The following CHD5 variants were observed in gnomAD, a reference collection of about 807,000 sequenced individuals.
CHD5 encodes the protein ATP-dependent chromatin remodeler CHD5.
In CHD5, 69 loss-of-function variants were observed where a neutral mutation model predicts 230.3. The ratio of observed to expected loss-of-function variants is 0.30; its 90% confidence interval spans 0.25 to 0.37. The LOEUF (loss-of-function observed/expected upper bound fraction) is 0.37. Among genes scored for constraint, CHD5 ranks in the 10% least tolerant of loss-of-function variants. The pLI, the probability that CHD5 is intolerant of heterozygous loss-of-function variation, is 1.00. For synonymous variants in CHD5, 1,064 were observed against 1,065.9 expected, an observed-to-expected ratio of 1.00 and a Z score of 0.03; for missense variants, 1,827 against 2,622.8, an observed-to-expected ratio of 0.70 and a Z score of 6.63.
rs572172542 is a variant in CHD5 at position 6,106,736 on chromosome 1, G to A, written c.5622C>T (p.Asp1874=). Residue 1874 remains aspartate (D), a synonymous_variant, in exon 39 of 42, where the codon GAC becomes GAT. Coordinates refer to ENST00000262450, the MANE Select transcript of CHD5 (RefSeq NM_015557.3). ...ACAGCATGGATGGCAGCCGGGTCAC[G>A]TCGGCCTTCATGTCGCTCAGCAGCT... ...LEELLSDMKA[D]VTRLPSMLSR... 1.5e-5 allele frequency: 24 copies of A among 1,611,892 alleles called. No individual in the cohort carries two copies. The highest frequency in any genetic ancestry group is 5.0e-5 in the Admixed American group (3 of 59,964).
Position 6,129,681 on chromosome 1 carries a change from C to T in CHD5, c.3387+523G>A, listed in dbSNP as rs372215680. On this transcript the variant is annotated intron_variant, in intron 22 of 41. Transcript: ENST00000262450. This position sits in a 1 kb window ranked among gnomAD's most constrained non-coding sequence, Gnocchi z 6.8. The stretch of plus-strand genomic sequence containing the variant: ...TAAGCATTCAATGTGTGTGTCCCAG[C>T]GCCCGAGAGGGGTGGCCAGGTACAC... Among the ~76,000 whole-genome samples the T allele has an allele frequency of 5.5e-4, 83 of 152,258 alleles. No individual in the cohort carries two copies. The highest frequency in any genetic ancestry group is 1.9e-3 in the African/African-American group (77 of 41,554).
chr1:6,121,241 C>T lies in CHD5; in HGVS notation c.4780-4G>A. The T allele has an allele frequency of 6.2e-7, 1 of 1,606,618 alleles. No homozygotes were observed. Among genetic ancestry groups the T allele is most frequent in the Non-Finnish European group, 8.5e-7 (1 of 1,177,538 alleles). ...TATCCAAGGCGGCTGGAAGGGCCTG[C>T]AGAGGAAAAGCCAGGAGAACTACAA... On this transcript the variant is annotated splice_region_variant and splice_polypyrimidine_tract_variant and intron_variant, in intron 32 of 41. Transcript: ENST00000262450. The surrounding 1 kb of genome is among the most constrained non-coding windows in gnomAD (Gnocchi z 4.5).
At chr1:6,116,838 T>C (rs931062679) in intron 33 of CHD5, among the ~76,000 whole-genome samples, 19 of 152,118 alleles carry the variant, frequency 1.2e-4, no homozygotes, top group East Asian at 1.9e-4. Context: ...GATGAACAAA[T>C]AGGCAAACAC....
intron 1 of CHD5, among the ~76,000 whole-genome samples, chr1:6,175,056 T>C (rs1667402423): frequency 6.7e-6 from 1 of 148,426 alleles, no homozygotes; most frequent in African/African-American, 2.5e-5. Flanking sequence ...GGTGGATGAA[T>C]GGTGGATGAA....
intron 1 of CHD5, among the ~76,000 whole-genome samples, chr1:6,171,208 G>T (rs1030501328): frequency 6.6e-6 from 1 of 152,344 alleles, no homozygotes; most frequent in East Asian, 1.9e-4. Flanking sequence ...ATCTGCCCGT[G>T]GGTAAGGGGA....
Position 6,154,270 on chromosome 1 carries a change from C to T in CHD5, c.745+390G>A, listed in dbSNP as rs745827669. Among the ~76,000 whole-genome samples the T allele has an allele frequency of 2.1e-4, 32 of 152,164 alleles. No individual in the cohort carries two copies. Among genetic ancestry groups the T allele is most frequent in the Non-Finnish European group, 4.0e-4 (27 of 68,030 alleles). On this transcript the variant is annotated intron_variant, in intron 5 of 41. Coordinates refer to ENST00000262450, the MANE Select transcript of CHD5 (RefSeq NM_015557.3). The surrounding 1 kb of genome is among the most constrained non-coding windows in gnomAD (Gnocchi z 7.0). ...GGGGCCTCCTCCTCCTCCCCAGAAACGGCACAGGCTCAAACCCAAGAGCCT... is the reference window on the plus strand; with the variant it reads ...GGGGCCTCCTCCTCCTCCCCAGAAATGGCACAGGCTCAAACCCAAGAGCCT...
intron 15 of CHD5, among the ~76,000 whole-genome samples, chr1:6,137,624 C>A (rs757722241): frequency 3.1e-4 from 47 of 152,226 alleles, no homozygotes; most frequent in Non-Finnish European, 5.1e-4. Flanking sequence ...TGAGCTACCG[C>A]ACCTGGCCTT....
chr1:6,149,791 A>ATGGG (rs1666972205), intron 7 of CHD5, among the ~76,000 whole-genome samples: 1 of 150,860 alleles, frequency 6.6e-6, no homozygotes, highest in Non-Finnish European at 1.5e-5. Flanking sequence ...GGATGGATGG[A>ATGGG]CAAATGGATG....
rs375622476 is a variant in CHD5, at chr1:6,146,356, G to A, written c.1658C>T (p.Pro553Leu). ...TTCATCCCCAGAGCCGTAGTCAAAG[G>A]GGGGCGGCTCATCCATGTCGTTCTT... ...QRKNDMDEPP[P>L]FDYGSGDEDG... Residue 553 changes from proline (P) to leucine (L), a missense_variant, in exon 11 of 42, where the codon CCC becomes CTC. Around this residue, in one of 14 missense-constraint regions of CHD5, gnomAD observed 657 missense variants for 816.4 expected, o/e 0.80. Transcript: ENST00000262450. This position sits in a 1 kb window ranked among gnomAD's most constrained non-coding sequence, Gnocchi z 5.1. The A allele has an allele frequency of 2.1e-5, 34 of 1,613,994 alleles. No homozygotes were observed. Among genetic ancestry groups the A allele is most frequent in the East Asian group, 4.5e-5 (2 of 44,898 alleles).
intron 33 of CHD5, among the ~76,000 whole-genome samples, chr1:6,120,585 C>T (rs988622315): frequency 6.6e-6 from 1 of 151,726 alleles, no homozygotes; most frequent in Non-Finnish European, 1.5e-5. Flanking sequence ...AGGCGGATCA[C>T]GAGGTCAAGA....
Position 6,128,364 on chromosome 1 carries a change from G to T in CHD5, c.3730+135C>A. Reference sequence around the variant, plus strand: ...ATGGTGACCAGACAGAGGAAACTGCGCTGTAACAGCCCCACTCGCCGCCCA... The same window carrying T: ...ATGGTGACCAGACAGAGGAAACTGCTCTGTAACAGCCCCACTCGCCGCCCA... On this transcript the variant is annotated intron_variant, in intron 24 of 41. Coordinates refer to ENST00000262450, the MANE Select transcript of CHD5 (RefSeq NM_015557.3). This position sits in a 1 kb window ranked among gnomAD's most constrained non-coding sequence, Gnocchi z 7.8. 1 of 1,096,206 alleles carries T rather than the reference G, an allele frequency of 9.1e-7. No homozygotes were observed. Among genetic ancestry groups the T allele is most frequent in the Non-Finnish European group, 1.3e-6 (1 of 750,258 alleles). The allele number at this position is 1,096,206 out of a possible 1,614,324, so 67.9% of individuals were successfully genotyped here.
Position 6,134,021 on chromosome 1 carries a change from G to A in CHD5, c.3144+107C>T, listed in dbSNP as rs771846829. The A allele has an allele frequency of 1.9e-4, 210 of 1,095,056 alleles. No homozygotes were observed. The highest frequency in any genetic ancestry group is 2.6e-4 in the Non-Finnish European group (194 of 757,072). 67.8% of individuals were successfully genotyped at this position (1,095,056 alleles called of 1,614,324 possible). A position where few individuals can be genotyped will look rare whatever the true frequency, so the allele number is the denominator to read the frequency against. Reference sequence around the variant, plus strand: ...ACAGTCACATGACCCACATGGGAACGGCACTGGGCCCTGAGGGGTGCCAGC... The same window carrying A: ...ACAGTCACATGACCCACATGGGAACAGCACTGGGCCCTGAGGGGTGCCAGC... On this transcript the variant is annotated intron_variant, in intron 20 of 41. Coordinates refer to ENST00000262450, the MANE Select transcript of CHD5 (RefSeq NM_015557.3). The surrounding 1 kb of genome is among the most constrained non-coding windows in gnomAD (Gnocchi z 6.3).
At chr1:6,162,843 A>T (rs376018902) in intron 2 of CHD5, among the ~76,000 whole-genome samples, 1 of 152,170 alleles carries the variant, frequency 6.6e-6, no homozygotes, top group Non-Finnish European at 1.5e-5. Context: ...AGGGAGCAGG[A>T]CCTGGACAAG....
In CHD5 at chr1:6,146,199, T is replaced by A. The variant is rs748838342; in HGVS notation, c.1802+13A>T. ...CCCAGCGATGGGCAGGGTGGCCGCC[T>A]GCAGGCACACACCTATGGTTCAGGA... On this transcript the variant is annotated intron_variant, in intron 11 of 41. Coordinates refer to ENST00000262450, the MANE Select transcript of CHD5 (RefSeq NM_015557.3). This position sits in a 1 kb window ranked among gnomAD's most constrained non-coding sequence, Gnocchi z 5.1. 1 of 1,613,160 alleles carries A rather than the reference T, an allele frequency of 6.2e-7. No individual in the cohort carries two copies. The highest frequency in any genetic ancestry group is 8.5e-7 in the Non-Finnish European group (1 of 1,179,460).
chr1:6,131,568 C>G lies in CHD5; in HGVS notation c.3262+63G>C, dbSNP rs1054984965. ...CCAGCTGGGTGACCTGGCTAAGAAC[C>G]AGGCCTGGGAGAAGAGGCCAAAAAG... On this transcript the variant is annotated intron_variant, in intron 21 of 41. Transcript: ENST00000262450. The surrounding 1 kb of genome is among the most constrained non-coding windows in gnomAD (Gnocchi z 5.0). 1.0e-6 allele frequency: 1 copy of G among 970,236 alleles called. No homozygotes were observed. The highest frequency in any genetic ancestry group is 1.4e-5 in the South Asian group (1 of 72,062). 60.1% of individuals were successfully genotyped at this position (970,236 alleles called of 1,614,324 possible).
intron 9 of CHD5, among the ~76,000 whole-genome samples, chr1:6,148,264 G>A (rs1352538487): frequency 6.6e-6 from 1 of 152,064 alleles, no homozygotes; most frequent in African/African-American, 2.4e-5. Context: ...TGACTGGGGG[G>A]TGACGGATGG....
chr1:6,130,393 T>G lies in CHD5; in HGVS notation c.3263-65A>C. The G allele has an allele frequency of 3.4e-6, 5 of 1,450,036 alleles. No homozygotes were observed. Among genetic ancestry groups the G allele is most frequent in the African/African-American group, 1.4e-5 (1 of 70,744 alleles). 89.8% of individuals were successfully genotyped at this position (1,450,036 alleles called of 1,614,324 possible). A position where few individuals can be genotyped will look rare whatever the true frequency, so the allele number is the denominator to read the frequency against. ...GTACACCTTGGGTGGGCAGAAAGGA[T>G]GGGGGAGAGAACAGAGAGAAGGAAC... is the stretch of plus-strand genomic sequence containing the variant. On this transcript the variant is annotated intron_variant, in intron 21 of 41. Transcript: ENST00000262450. This position sits in a 1 kb window ranked among gnomAD's most constrained non-coding sequence, Gnocchi z 4.9.
intron 2 of CHD5, among the ~76,000 whole-genome samples, chr1:6,163,842 A>G (rs1375009972): frequency 6.6e-6 from 1 of 152,234 alleles, no homozygotes; most frequent in Non-Finnish European, 1.5e-5. Flanking sequence ...TACAGATGAC[A>G]GTTGGCCTTC....
intron 33 of CHD5, among the ~76,000 whole-genome samples, chr1:6,117,638 C>CA (rs1415981546): frequency 9.8e-5 from 15 of 152,288 alleles, no homozygotes; most frequent in Non-Finnish European, 1.5e-4. Context: ...TCTGAAAGGA[C>CA]ATTTCTTCAA....
Sources: gnomAD v4.1 joint callset for allele counts (sites outside exome capture counted in the v4.1 genomes callset) on GRCh38, gnomAD v4.1.1 for gene constraint, gnomAD v4.1.1 regional missense constraint, Gnocchi (gnomAD v3.1) non-coding constraint, MANE v1.5 for transcripts, NCBI Gene and HGNC (gene_info 2026-07-23, HGNC 2026-07-21) for gene names.